The following SLCO1A2 variants were observed in gnomAD, a reference collection of about 807,000 sequenced individuals.
SLCO1A2 encodes the protein OATP-1.
In SLCO1A2, 67 loss-of-function variants were observed where a neutral mutation model predicts 69.0. The ratio of observed to expected loss-of-function variants is 0.97; its 90% confidence interval spans 0.80 to 1.19. SLCO1A2 has a LOEUF of 1.19. Among genes scored for constraint, SLCO1A2 ranks in the 50% most tolerant of loss-of-function variants. SLCO1A2 has a pLI of 0.00. For synonymous variants in SLCO1A2, 260 were observed against 265.9 expected (o/e 0.98, Z 0.22); for missense variants, 787 against 793.7 (o/e 0.99, Z 0.10).
intron 12 of SLCO1A2, among the ~76,000 whole-genome samples, chr12:21,283,845 T>A (rs2136205896): frequency 6.6e-6 from 1 of 152,188 alleles, no homozygotes; most frequent in African/African-American, 2.4e-5. Flanking sequence ...GGAATGCAAA[T>A]CAAAACTGCA....
chr12:21,391,065 T>A (rs10841802), intron 1 of SLCO1A2, among the ~76,000 whole-genome samples: 63,753 of 151,938 alleles, frequency 0.42, 13,593 homozygotes, highest in Middle Eastern at 0.52. Context: ...TTTGAGAGAT[T>A]TAAAATGTGT....
At chr12:21,330,579 G>A (rs970313188) in intron 2 of SLCO1A2, among the ~76,000 whole-genome samples, 1 of 151,926 alleles carries the variant, frequency 6.6e-6, no homozygotes, top group African/African-American at 2.4e-5. Context: ...ACCATTCCAG[G>A]CCTTCTCAAA....
chr12:21,353,329 T>TA (rs1214338528), intron 2 of SLCO1A2, among the ~76,000 whole-genome samples: 34 of 151,964 alleles, frequency 2.2e-4, no homozygotes. Context: ...ACAAAATATA[T>TA]AAAAACAGAG....
intron 11 of SLCO1A2, among the ~76,000 whole-genome samples, chr12:21,293,074 G>A (rs1410486109): frequency 6.6e-6 from 1 of 152,136 alleles, no homozygotes; most frequent in African/African-American, 2.4e-5. Flanking sequence ...GGGGGCCAAG[G>A]CAGGCGGATC....
At chr12:21,332,897 C>A (rs1352840304) in intron 2 of SLCO1A2, among the ~76,000 whole-genome samples, 2 of 151,942 alleles carry the variant, frequency 1.3e-5, no homozygotes, top group Admixed American at 1.3e-4. Flanking sequence ...TACATCTAAG[C>A]CAAAATTTAT....
rs144970237 is a variant in SLCO1A2 at position 21,279,786 on chromosome 12, G to A, written c.1611-4362C>T. On this transcript the variant is annotated intron_variant, in intron 12 of 14. Coordinates refer to ENST00000683939, the MANE Select transcript of SLCO1A2 (RefSeq NM_001386879.1). ...AAAGATCACTGGAAATAGTAAGTAAGCAAAAAAATGCAGAATATTATAACA... is the reference window on the plus strand; with the variant it reads ...AAAGATCACTGGAAATAGTAAGTAAACAAAAAAATGCAGAATATTATAACA... Among the ~76,000 whole-genome samples the A allele has an allele frequency of 2.2e-3, 333 of 151,840 alleles. 1 individual carries two copies. Among genetic ancestry groups the A allele is most frequent in the Non-Finnish European group, 3.8e-3 (257 of 67,900 alleles).
chr12:21,407,470 A>G (rs889859223), intron 1 of SLCO1A2, among the ~76,000 whole-genome samples: 9 of 152,268 alleles, frequency 5.9e-5, no homozygotes, highest in Middle Eastern at 6.8e-3. Flanking sequence ...GGAGGGTGTG[A>G]AGCAGAAAAA....
chr12:21,406,011 G>T (rs1397607342), intron 1 of SLCO1A2, among the ~76,000 whole-genome samples: 2 of 152,248 alleles, frequency 1.3e-5, no homozygotes, highest in East Asian at 3.9e-4. Flanking sequence ...ATATTTCTAG[G>T]TCCTAGAGAT....
upstream of SLCO1A2, among the ~76,000 whole-genome samples, chr12:21,397,422 T>C (rs1477544350): frequency 3.9e-5 from 6 of 152,054 alleles, no homozygotes; most frequent in Non-Finnish European, 7.4e-5. Context: ...ACATTAATAA[T>C]GGGAGACTTT....
upstream of SLCO1A2, among the ~76,000 whole-genome samples, chr12:21,337,815 T>C (rs565635339): frequency 1.3e-5 from 2 of 152,016 alleles, no homozygotes; most frequent in African/African-American, 2.4e-5. Context: ...CTTATAAATA[T>C]AAGTATTATT....
At chr12:21,397,489 C>G, upstream of SLCO1A2, among the ~76,000 whole-genome samples, 1 of 151,744 alleles carries the variant, frequency 6.6e-6, no homozygotes, top group Non-Finnish European at 1.5e-5. Context: ...ACAAGGATAC[C>G]CAGGAACTGA....
chr12:21,417,301 T>A (rs530000602), intron 1 of SLCO1A2, among the ~76,000 whole-genome samples: 1 of 151,972 alleles, frequency 6.6e-6, no homozygotes, highest in Non-Finnish European at 1.5e-5. Flanking sequence ...CATTGAATAC[T>A]GATTTAATCA....
chr12:21,287,579 C>G (rs1051140135), intron 12 of SLCO1A2, among the ~76,000 whole-genome samples: 1 of 143,324 alleles, frequency 7.0e-6, no homozygotes, highest in African/African-American at 2.7e-5. Context: ...TATTGCGGCT[C>G]TATTCACAAT....
intron 2 of SLCO1A2, among the ~76,000 whole-genome samples, chr12:21,363,747 T>G (rs1437927283): frequency 6.6e-6 from 1 of 152,076 alleles, no homozygotes; most frequent in Non-Finnish European, 1.5e-5. Flanking sequence ...TACAAACTAC[T>G]ATCAGAGAAT....
At chr12:21,387,341 G>C (rs1378053742) in intron 1 of SLCO1A2, among the ~76,000 whole-genome samples, 7 of 152,164 alleles carry the variant, frequency 4.6e-5, no homozygotes, top group Non-Finnish European at 8.8e-5. Context: ...GACCTTCACA[G>C]CAGCCCCTCC....
At chr12:21,381,117 G>A (rs1940560090) in intron 1 of SLCO1A2, among the ~76,000 whole-genome samples, 1 of 151,772 alleles carries the variant, frequency 6.6e-6, no homozygotes, top group Non-Finnish European at 1.5e-5. Context: ...GAGTTTAACT[G>A]GTATATGATC....
chr12:21,350,274 A>G (rs1487379511), intron 2 of SLCO1A2, among the ~76,000 whole-genome samples: 6 of 152,058 alleles, frequency 3.9e-5, no homozygotes, highest in Non-Finnish European at 7.4e-5. Context: ...CAAGAAAAAA[A>G]TTGACAAGAG....
At chr12:21,382,962 T>C (rs1205032460) in intron 1 of SLCO1A2, among the ~76,000 whole-genome samples, 1 of 152,098 alleles carries the variant, frequency 6.6e-6, no homozygotes, top group Non-Finnish European at 1.5e-5. Flanking sequence ...TATTTTTCTT[T>C]TACTCCCACT....
chr12:21,290,597 A>T (rs1242997435), intron 12 of SLCO1A2, among the ~76,000 whole-genome samples: 3 of 152,194 alleles, frequency 2.0e-5, no homozygotes, highest in African/African-American at 7.2e-5. Flanking sequence ...CAACTTTATT[A>T]TTCGGAGAAA....
Sources: gnomAD v4.1 joint callset for allele counts (sites outside exome capture counted in the v4.1 genomes callset) on GRCh38, gnomAD v4.1.1 for gene constraint, MANE v1.5 for transcripts, NCBI Gene and HGNC (gene_info 2026-07-23, HGNC 2026-07-21) for gene names.